FOXN3: variants seen among roughly 807,000 people sequenced by gnomAD.
The protein encoded by FOXN3 is forkhead box N3, also known as forkhead box protein N3.
A neutral mutation model predicts 38.4 loss-of-function variants in FOXN3; 7 were observed. The observed-to-expected ratio is 0.18, with a 90% CI of 0.10 to 0.34. The LOEUF (loss-of-function observed/expected upper bound fraction) is 0.34. FOXN3 is among the 10% of genes least tolerant of loss of function. The pLI is 1.00. For missense variants in FOXN3, 456 were observed against 613.4 expected (o/e 0.74, Z 2.71); for synonymous variants, 230 against 242.2 (o/e 0.95, Z 0.47).
At chr14:89,254,339 C>G (rs1194795228) in intron 4 of FOXN3, among the ~76,000 whole-genome samples, 3 of 152,328 alleles carry the variant, frequency 2.0e-5, no homozygotes, top group Middle Eastern at 3.4e-3. Flanking sequence ...GTTTCCCCAA[C>G]AGAAGTCAGC....
intron 4 of FOXN3, among the ~76,000 whole-genome samples, chr14:89,245,387 GTTTC>G (rs1409157806): frequency 8.6e-5 from 13 of 151,466 alleles, no homozygotes; most frequent in Non-Finnish European, 1.2e-4. Flanking sequence ...AGTAAGAAAT[GTTTC>G]TTTGTTTGAA....
chr14:89,363,899 G>A (rs568978129), intron 2 of FOXN3, among the ~76,000 whole-genome samples: 438 of 147,064 alleles, frequency 3.0e-3, no homozygotes, highest in Non-Finnish European at 5.4e-3. Context: ...AGCTATGATC[G>A]AGCCACTGTA....
intron 3 of FOXN3, among the ~76,000 whole-genome samples, chr14:89,313,191 A>C (rs60904894): frequency 0.43 from 65,647 of 152,066 alleles, 14,961 homozygotes; most frequent in Middle Eastern, 0.52. Context: ...AAAACAACCA[A>C]AATGTCCAGC....
intron 4 of FOXN3, among the ~76,000 whole-genome samples, chr14:89,214,816 A>G (rs1157553177): frequency 1.3e-5 from 2 of 152,254 alleles, no homozygotes; most frequent in East Asian, 1.9e-4. Flanking sequence ...TCTTGAAAGA[A>G]AAAGCACAGG....
intron 1 of FOXN3, among the ~76,000 whole-genome samples, chr14:89,474,932 C>T (rs1893181155): frequency 6.6e-6 from 1 of 152,296 alleles, no homozygotes; most frequent in African/African-American, 2.4e-5. Flanking sequence ...TTTCCTGCCT[C>T]AGCCTCCCGA....
chr14:89,570,168 T>G (rs1051173216), intron 1 of FOXN3, among the ~76,000 whole-genome samples: 1 of 151,824 alleles, frequency 6.6e-6, no homozygotes, highest in African/African-American at 2.4e-5. Context: ...CCCGGCTAAT[T>G]TTTTGTATTT....
intron 1 of FOXN3, among the ~76,000 whole-genome samples, chr14:89,477,820 T>C (rs998288500): frequency 2.0e-5 from 3 of 152,048 alleles, no homozygotes; most frequent in African/African-American, 7.2e-5. Context: ...TAAATAGGCA[T>C]TGAGTCAATT....
At chr14:89,182,935 C>T (rs765059964) in intron 4 of FOXN3, among the ~76,000 whole-genome samples, 3 of 152,204 alleles carry the variant, frequency 2.0e-5, no homozygotes, top group Non-Finnish European at 2.9e-5. Context: ...TTGAGCCTTA[C>T]ACCTCATACC....
chr14:89,200,068 G>T (rs1416544710), intron 4 of FOXN3, among the ~76,000 whole-genome samples: 4 of 152,024 alleles, frequency 2.6e-5, no homozygotes, highest in Non-Finnish European at 4.4e-5. Context: ...AGGGCCAAAG[G>T]GATAAGAACA....
chr14:89,399,608 T>C (rs741272), intron 2 of FOXN3, among the ~76,000 whole-genome samples: 56,451 of 152,144 alleles, frequency 0.37, 13,051 homozygotes, highest in Admixed American at 0.52. Context: ...CTAAACTAAA[T>C]AAATTCTGCC....
chr14:89,257,286 G>A (rs4904523), intron 4 of FOXN3, among the ~76,000 whole-genome samples: 72,514 of 152,100 alleles, frequency 0.48, 18,048 homozygotes, highest in East Asian at 0.58. Context: ...TGCAGGGAAT[G>A]GACCCATTTG....
intron 3 of FOXN3, among the ~76,000 whole-genome samples, chr14:89,331,501 G>T (rs1433068561): frequency 1.3e-5 from 2 of 152,124 alleles, no homozygotes; most frequent in African/African-American, 4.8e-5. Context: ...TAAACAGGAT[G>T]GTCTATGGAT....
At chr14:89,506,326 G>C (rs1260366469) in intron 1 of FOXN3, among the ~76,000 whole-genome samples, 2 of 91,664 alleles carry the variant, frequency 2.2e-5, no homozygotes, top group African/African-American at 3.2e-5. Context: ...GAGGGAGGTG[G>C]GGGGGTCAGC....
chr14:89,360,789 A>ACCACTACCACCTCCAGCACCACCT (rs1889506701), intron 2 of FOXN3, among the ~76,000 whole-genome samples: 2 of 60,918 alleles, frequency 3.3e-5, no homozygotes, highest in Non-Finnish European at 6.3e-5. Flanking sequence ...CACCACCTCC[A>ACCACTACCACCTCCAGCACCACCT]CCACCACCAC....
intron 3 of FOXN3, among the ~76,000 whole-genome samples, chr14:89,309,159 C>T (rs1370232486): frequency 6.6e-6 from 1 of 152,194 alleles, no homozygotes; most frequent in Non-Finnish European, 1.5e-5. Context: ...TTCAACATCA[C>T]AGCTTACAGG....
At chr14:89,535,192 C>T (rs1053092973) in intron 1 of FOXN3, among the ~76,000 whole-genome samples, 1 of 136,552 alleles carries the variant, frequency 7.3e-6, no homozygotes, top group South Asian at 2.6e-4. Context: ...CACAGCTTTC[C>T]TTTTCTTTCC....
chr14:89,226,312 C>T (rs1387462975), intron 4 of FOXN3, among the ~76,000 whole-genome samples: 8 of 152,112 alleles, frequency 5.3e-5, no homozygotes, highest in African/African-American at 1.9e-4. Flanking sequence ...AGTAGCCTCA[C>T]ATTCCTAGGC....
chr14:89,579,921 A>G (rs977085019), intron 1 of FOXN3, among the ~76,000 whole-genome samples: 1 of 152,188 alleles, frequency 6.6e-6, no homozygotes, highest in Admixed American at 6.5e-5. Context: ...AATAACACTT[A>G]ATAAATACAT....
chr14:89,523,459 T>C (rs35119519), intron 1 of FOXN3, among the ~76,000 whole-genome samples: 1 of 152,214 alleles, frequency 6.6e-6, no homozygotes. Flanking sequence ...ATAAAACATG[T>C]ATCAATAAAT....
Sources: allele counts gnomAD v4.1 joint callset (sites outside exome capture counted in the v4.1 genomes callset), GRCh38; gene constraint gnomAD v4.1.1; transcripts MANE v1.5; gene names NCBI Gene and HGNC (gene_info 2026-07-23, HGNC 2026-07-21).